RIMS2: variants seen among roughly 807,000 people sequenced by gnomAD.
RIMS2 encodes the protein regulating synaptic membrane exocytosis 2.
In RIMS2, 59 loss-of-function variants were observed where a neutral mutation model predicts 174.4. The ratio of observed to expected loss-of-function variants is 0.34; its 90% CI spans 0.27 to 0.42. RIMS2 has a LOEUF of 0.42. Among genes scored for constraint, RIMS2 ranks in the 10% least tolerant of loss-of-function variants. RIMS2 has a pLI of 1.00. For missense variants in RIMS2, 1,620 were observed against 1,666.3 expected, an observed-to-expected ratio of 0.97 and a Z score of 0.48; for synonymous variants, 606 against 572.5, an observed-to-expected ratio of 1.06 and a Z score of -0.84.
At chr8:103,890,923 G>T (rs1401243302) in intron 4 of RIMS2, among the ~76,000 whole-genome samples, 1 of 151,910 alleles carries the variant, frequency 6.6e-6, no homozygotes, top group Non-Finnish European at 1.5e-5. Flanking sequence ...GATAATTGTT[G>T]TGTTGCACTA....
intron 19 of RIMS2, among the ~76,000 whole-genome samples, chr8:104,127,370 A>G (rs2098440278): frequency 6.6e-6 from 1 of 152,206 alleles, no homozygotes; most frequent in Non-Finnish European, 1.5e-5. Context: ...CTTGAGTCTT[A>G]CCCATCTAGG....
chr8:103,931,428 A>C, intron 12 of RIMS2, 35 bp downstream of exon 14: 1 of 1,458,568 alleles, frequency 6.9e-7, no homozygotes, highest in Non-Finnish European at 9.3e-7. Context: ...GTTCTGGAAA[A>C]TAAATGAGAA....
chr8:103,659,994 A>C (rs2096578327), intron 1 of RIMS2, among the ~76,000 whole-genome samples: 1 of 152,220 alleles, frequency 6.6e-6, no homozygotes, highest in Admixed American at 6.5e-5. Context: ...ACCGGGGCCC[A>C]GGCCGCACCT....
intron 1 of RIMS2, among the ~76,000 whole-genome samples, chr8:103,579,398 A>G (rs2132712164): frequency 6.6e-6 from 1 of 152,332 alleles, no homozygotes; most frequent in African/African-American, 2.4e-5. Context: ...GATAAAATTA[A>G]GTACAAGGAC....
At chr8:103,766,582 C>A in intron 3 of RIMS2, 45 bp downstream of exon 6, 2 of 1,289,900 alleles carry the variant, frequency 1.6e-6, no homozygotes, top group South Asian at 2.7e-5. Context: ...TACTTTTAGT[C>A]TTCATTCCAA....
chr8:103,609,985 G>T (rs2095310400), intron 1 of RIMS2, among the ~76,000 whole-genome samples: 1 of 151,974 alleles, frequency 6.6e-6, no homozygotes, highest in South Asian at 2.1e-4. Flanking sequence ...TTTCTATTTG[G>T]TTATGTCATC....
chr8:104,106,791 C>T (rs773603698), intron 19 of RIMS2, among the ~76,000 whole-genome samples: 1 of 152,142 alleles, frequency 6.6e-6, no homozygotes, highest in East Asian at 1.9e-4. Flanking sequence ...GTATTCTGAC[C>T]AGTGATTCCC....
chr8:103,721,253 C>T (rs2097443858), intron 2 of RIMS2, among the ~76,000 whole-genome samples: 1 of 152,152 alleles, frequency 6.6e-6, no homozygotes, highest in Non-Finnish European at 1.5e-5. Context: ...ATGCCAGAAT[C>T]ATGCTTCCTG....
chr8:104,232,990 C>T lies in RIMS2; in HGVS notation c.3335-11926C>T, dbSNP rs2099239072. On this transcript the variant is annotated intron_variant, in intron 19 of 23. Transcript: ENST00000504942. ...CAGTGGTAAGAAAAAAAAAACTAAG[C>T]TCAATATGATTAGCTATTTTTTAAT... Among the ~76,000 whole-genome samples, 4 of 151,968 alleles carry T rather than the reference C, an allele frequency of 2.6e-5. No individual in the cohort carries two copies. In the South Asian group the frequency reaches 8.3e-4, roughly 32 times the overall value.
intron 19 of RIMS2, among the ~76,000 whole-genome samples, chr8:104,168,277 T>C (rs1237345920): frequency 1.3e-5 from 2 of 152,212 alleles, no homozygotes; most frequent in Non-Finnish European, 2.9e-5. Flanking sequence ...TTCACAATAT[T>C]AATTCTACCC....
At chr8:104,113,319 A>G (rs2098224621) in intron 19 of RIMS2, among the ~76,000 whole-genome samples, 1 of 152,074 alleles carries the variant, frequency 6.6e-6, no homozygotes, top group African/African-American at 2.4e-5. Flanking sequence ...CTAATAGTTG[A>G]TTGTCCAATC....
chr8:103,826,757 C>T (rs1450467200), intron 3 of RIMS2, among the ~76,000 whole-genome samples: 1 of 150,884 alleles, frequency 6.6e-6, no homozygotes, highest in African/African-American at 2.4e-5. Context: ...TCATAGCTGA[C>T]TACAGCCTCC....
At chr8:104,038,321 G>T (rs892563509) in intron 19 of RIMS2, among the ~76,000 whole-genome samples, 1 of 151,812 alleles carries the variant, frequency 6.6e-6, no homozygotes, top group African/African-American at 2.4e-5. Context: ...TTTTTACAAA[G>T]AAATTCTTTA....
At chr8:103,585,522 C>T (rs931662461) in intron 1 of RIMS2, among the ~76,000 whole-genome samples, 2 of 152,062 alleles carry the variant, frequency 1.3e-5, no homozygotes, top group Non-Finnish European at 2.9e-5. Flanking sequence ...GAAAATGTGG[C>T]ACATATATAC....
intron 19 of RIMS2, among the ~76,000 whole-genome samples, chr8:104,194,235 C>T (rs1467921736): frequency 6.6e-6 from 1 of 151,932 alleles, no homozygotes; most frequent in Non-Finnish European, 1.5e-5. Flanking sequence ...AATCTTCAGA[C>T]ATTGTGGCCC....
intron 3 of RIMS2, among the ~76,000 whole-genome samples, chr8:103,836,397 G>A (rs987170469): frequency 2.6e-5 from 4 of 151,756 alleles, no homozygotes; most frequent in Admixed American, 1.3e-4. Context: ...CAAAAACAAG[G>A]AAAGAAAGAA....
chr8:104,076,031 C>T (rs2097284021), intron 19 of RIMS2, among the ~76,000 whole-genome samples: 1 of 152,000 alleles, frequency 6.6e-6, no homozygotes, highest in African/African-American at 2.4e-5. Flanking sequence ...TTTACATCAC[C>T]CTGAGGTATT....
intron 3 of RIMS2, among the ~76,000 whole-genome samples, chr8:103,851,646 C>T (rs1383635867): frequency 7.9e-4 from 2 of 2,526 alleles, no homozygotes; most frequent in Admixed American, 3.6e-3. Flanking sequence ...ATGCTATGTA[C>T]ACACACACAC....
chr8:104,078,381 T>C (rs2097341531), intron 19 of RIMS2, among the ~76,000 whole-genome samples: 1 of 152,206 alleles, frequency 6.6e-6, no homozygotes, highest in African/African-American at 2.4e-5. Flanking sequence ...GCTAGAACTT[T>C]AAGGTGTTGG....
Sources: allele counts gnomAD v4.1 joint callset (sites outside exome capture counted in the v4.1 genomes callset), GRCh38; gene constraint gnomAD v4.1.1; transcripts MANE v1.5; gene names NCBI Gene and HGNC (gene_info 2026-07-23, HGNC 2026-07-21).